SEZ6L: variants seen among roughly 807,000 people sequenced by gnomAD.
SEZ6L encodes the protein seizure related 6 homolog like.
A neutral mutation model predicts 106.2 loss-of-function variants in SEZ6L; 37 were observed. The ratio of observed to expected loss-of-function variants is 0.35; its 90% CI spans 0.27 to 0.46. The LOEUF is 0.46. Ranked by LOEUF, SEZ6L falls within the 20% of genes least tolerant of loss-of-function variation. The probability of loss-of-function intolerance (pLI) is 1.00; values close to 1 mark genes in which losing one functional copy is unlikely to be tolerated. For synonymous variants in SEZ6L, 541 were observed against 570.4 expected (o/e 0.95, Z 0.73); for missense variants, 1,172 against 1,332.8 (o/e 0.88, Z 1.88).
chr22:26,249,386 T>C (rs28438914), intron 1 of SEZ6L, among the ~76,000 whole-genome samples: 3,479 of 152,324 alleles, frequency 0.023, 132 homozygotes, highest in African/African-American at 0.08. Flanking sequence ...ATCAGCCTTT[T>C]CAGTTTCAAC....
intron 1 of SEZ6L, among the ~76,000 whole-genome samples, chr22:26,273,778 C>T (rs747239823): frequency 1.1e-4 from 16 of 152,012 alleles, no homozygotes; most frequent in Non-Finnish European, 1.9e-4. Context: ...GCTGGGCTGC[C>T]GTGGGGTGAG....
intron 1 of SEZ6L, among the ~76,000 whole-genome samples, chr22:26,279,535 C>T (rs185184413): frequency 6.6e-6 from 1 of 152,198 alleles, no homozygotes; most frequent in East Asian, 1.9e-4. Flanking sequence ...GAGATCTGTC[C>T]ATGTTCATCC....
At chr22:26,318,128 C>T (rs2082057571) in intron 9 of SEZ6L, among the ~76,000 whole-genome samples, 1 of 151,572 alleles carries the variant, frequency 6.6e-6, no homozygotes, top group African/African-American at 2.4e-5. Flanking sequence ...GGCTGGAGTG[C>T]AGTGGTGCCA....
intron 1 of SEZ6L, among the ~76,000 whole-genome samples, chr22:26,187,027 G>T (rs1410420381): frequency 6.6e-6 from 1 of 152,246 alleles, no homozygotes. Context: ...TTAAGATAGG[G>T]TCACCTCTTC....
intron 1 of SEZ6L, among the ~76,000 whole-genome samples, chr22:26,284,908 ATT>A (rs202099381): frequency 1.3e-5 from 2 of 150,072 alleles, no homozygotes; most frequent in African/African-American, 4.9e-5. Flanking sequence ...AGGAGTCTTT[ATT>A]TTTTTTTTCA....
At chr22:26,369,699 T>C (rs1427737228) in intron 13 of SEZ6L, among the ~76,000 whole-genome samples, 2 of 151,886 alleles carry the variant, frequency 1.3e-5, no homozygotes, top group African/African-American at 2.4e-5. Flanking sequence ...CAGTAAGAAA[T>C]CCACAATTAG....
At chr22:26,234,299 T>C (rs1206645028) in intron 1 of SEZ6L, among the ~76,000 whole-genome samples, 1 of 152,148 alleles carries the variant, frequency 6.6e-6, no homozygotes, top group East Asian at 1.9e-4. Flanking sequence ...CCACGCTCTC[T>C]TGGCTCCAGC....
chr22:26,348,630 A>AG (rs2083114054), intron 11 of SEZ6L, among the ~76,000 whole-genome samples: 1 of 34,104 alleles, frequency 2.9e-5, no homozygotes, highest in African/African-American at 1.9e-4. Flanking sequence ...GAAAGAAAGA[A>AG]AGAAAGAAAG....
At chr22:26,336,033 G>A (rs1452026592) in intron 9 of SEZ6L, among the ~76,000 whole-genome samples, 1 of 152,122 alleles carries the variant, frequency 6.6e-6, no homozygotes, top group East Asian at 1.9e-4. Flanking sequence ...ATAAGCTAGA[G>A]GTGGGAAGAA....
chr22:26,222,124 C>T (rs139925592), intron 1 of SEZ6L, among the ~76,000 whole-genome samples: 324 of 152,240 alleles, frequency 2.1e-3, no homozygotes, highest in African/African-American at 7.6e-3. Flanking sequence ...TTCTGGGATC[C>T]ATTCCAGACT....
intron 12 of SEZ6L, among the ~76,000 whole-genome samples, chr22:26,359,251 T>C (rs1036803249): frequency 2.0e-5 from 3 of 152,202 alleles, no homozygotes; most frequent in African/African-American, 4.8e-5. Context: ...TGGGTCAAAA[T>C]TGAATCAGGC....
intron 9 of SEZ6L, among the ~76,000 whole-genome samples, chr22:26,333,996 G>A (rs1034840955): frequency 3.3e-5 from 5 of 151,398 alleles, no homozygotes; most frequent in African/African-American, 1.2e-4. Flanking sequence ...AAGAGAGAGA[G>A]TCAGAAATGA....
At chr22:26,173,305 G>A (rs954301905) in intron 1 of SEZ6L, among the ~76,000 whole-genome samples, 1 of 152,242 alleles carries the variant, frequency 6.6e-6, no homozygotes, top group Admixed American at 6.5e-5. Flanking sequence ...TGAAGCAGAT[G>A]TTGGTGTAAA....
chr22:26,340,052 C>T (rs146968942), intron 9 of SEZ6L, among the ~76,000 whole-genome samples: 4,620 of 152,024 alleles, frequency 0.03, 180 homozygotes, highest in East Asian at 0.14. Context: ...CTGGGCAACA[C>T]GGTGAAACCC....
chr22:26,320,692 G>C (rs955317466), intron 9 of SEZ6L, among the ~76,000 whole-genome samples: 1 of 152,210 alleles, frequency 6.6e-6, no homozygotes, highest in Admixed American at 6.5e-5. Flanking sequence ...GGGGCCCAGA[G>C]CGAGGGAAGG....
At chr22:26,335,964 C>G (rs1242663456) in intron 9 of SEZ6L, among the ~76,000 whole-genome samples, 1 of 152,178 alleles carries the variant, frequency 6.6e-6, no homozygotes, top group Non-Finnish European at 1.5e-5. Flanking sequence ...CCACTCCCCT[C>G]AAGGCAGTCC....
chr22:26,360,067 G>A (rs1236849974), intron 12 of SEZ6L, among the ~76,000 whole-genome samples: 1 of 152,192 alleles, frequency 6.6e-6, no homozygotes, highest in Admixed American at 6.5e-5. Context: ...ATTAAATGAT[G>A]AGTTAATATG....
chr22:26,259,603 G>C (rs963169956), intron 1 of SEZ6L, among the ~76,000 whole-genome samples: 2 of 152,218 alleles, frequency 1.3e-5, no homozygotes, highest in Non-Finnish European at 1.5e-5. Flanking sequence ...AACTTAGAGA[G>C]ATACCCTGAG....
chr22:26,326,470 C>G (rs1371476049), intron 9 of SEZ6L, among the ~76,000 whole-genome samples: 1 of 152,150 alleles, frequency 6.6e-6, no homozygotes, highest in Non-Finnish European at 1.5e-5. Flanking sequence ...ACTCACGTGC[C>G]CTTACCTTTG....
Sources: gnomAD v4.1 joint callset for allele counts (sites outside exome capture counted in the v4.1 genomes callset) on GRCh38, gnomAD v4.1.1 for gene constraint, MANE v1.5 for transcripts, NCBI Gene and HGNC (gene_info 2026-07-23, HGNC 2026-07-21) for gene names.